PAX9: variants seen among roughly 807,000 people sequenced by gnomAD.
PAX9 encodes paired box 9.
In PAX9, 6 loss-of-function variants were observed where a neutral mutation model predicts 29.1. That is an observed-to-expected ratio of 0.21 (90% CI 0.11 to 0.41). The LOEUF is 0.41. PAX9 is among the 10% of genes least tolerant of loss of function. PAX9 has a pLI of 1.00. For missense variants in PAX9, 443 were observed against 479.1 expected (o/e 0.92, Z 0.70); for synonymous variants, 217 against 211.7 (o/e 1.03, Z -0.22).
chr14:36,659,534 T>C (rs957914693), upstream of PAX9, among the ~76,000 whole-genome samples: 10 of 152,240 alleles, frequency 6.6e-5, no homozygotes, highest in South Asian at 1.9e-3. Context: ...ACACCTAAAA[T>C]TGACTCTTCC....
At chr14:36,661,759 G>A, upstream of PAX9, 1 of 451,342 alleles carries the variant, frequency 2.2e-6, no homozygotes, top group Non-Finnish European at 3.9e-6. Flanking sequence ...CTGCGCTGTC[G>A]CTCACCGACC....
intron 2 of PAX9, 116 bp from the exon 3 acceptor site, chr14:36,666,346 G>A: frequency 1.4e-6 from 2 of 1,399,762 alleles, no homozygotes; most frequent in Non-Finnish European, 1.9e-6. Context: ...GCCAAGGGCA[G>A]GGAGCCGACC....
rs773877041 is a variant in PAX9 at position 36,662,937 on chromosome 14, C to T, written c.45C>T (p.Phe15=). Residue 15 remains phenylalanine, a synonymous_variant, in exon 2 of 4, where the codon TTC becomes TTT. Coordinates refer to ENST00000361487, the MANE Select transcript of PAX9 (RefSeq NM_001372076.1). ...AGGTGAACCAGCTGGGAGGAGTGTT[C>T]GTGAACGGGAGGCCGCTGCCCAACG... The part of the protein sequence containing the change: ...FGEVNQLGGV[F]VNGRPLPNAI... 7 of 1,612,894 alleles carry T rather than the reference C, an allele frequency of 4.3e-6. No homozygotes were observed. In the Admixed American group the frequency reaches 6.7e-5, roughly 15 times the overall value.
rs1480349468 is a variant in PAX9 at position 36,677,278 on chromosome 14, TG to T, written c.*827del. 1 of 152,226 alleles carries T rather than the reference TG, an allele frequency of 6.6e-6. No individual in the cohort carries two copies. Among genetic ancestry groups the T allele is most frequent in the Non-Finnish European group, 1.5e-5 (1 of 68,106 alleles). 9.4% of individuals were successfully genotyped at this position (152,226 alleles called of 1,614,324 possible). On this transcript the variant is annotated 3_prime_UTR_variant, in exon 4 of 4. Transcript: ENST00000361487. ...CTGCTCGGGCTCCTGGACCTGGACT[TG>T]CCCCCAAATTTTGTGTATGCAGTGA...
At chr14:36,666,426 G>A (rs776009704) in intron 2 of PAX9, 36 bp from the exon 3 acceptor site, 3 of 1,600,916 alleles carry the variant, frequency 1.9e-6, no homozygotes, top group East Asian at 2.3e-5. Context: ...GCGCGGGCTG[G>A]GCCTCCGGCC....
upstream of PAX9, chr14:36,658,594 C>T (rs186290975): frequency 5.8e-3 from 878 of 152,406 alleles, 11 homozygotes; most frequent in Non-Finnish European, 8.5e-3. Flanking sequence ...GTTGGGGATA[C>T]AGGGAGGGGT....
chr14:36,678,596 T>C lies in PAX9; in HGVS notation c.*2144T>C, dbSNP rs991390986. On this transcript the variant is annotated 3_prime_UTR_variant, in exon 4 of 4. Transcript: ENST00000361487. ...GGGACTCTCCTGTCATCTGAAAAAC[T>C]GATGTAAGGTACAGAACTATTCTTT... The C allele has an allele frequency of 4.6e-6, 7 of 1,507,096 alleles. No homozygotes were observed. Among genetic ancestry groups the C allele is most frequent in the Middle Eastern group, 1.7e-4 (1 of 5,790 alleles). 93.4% of individuals were successfully genotyped at this position (1,507,096 alleles called of 1,614,324 possible).
chr14:36,673,728 T>C (rs1196875587), intron 3 of PAX9, among the ~76,000 whole-genome samples: 2 of 152,124 alleles, frequency 1.3e-5, no homozygotes, highest in African/African-American at 2.4e-5. Context: ...GTAGGAAAAA[T>C]TTAGCTGTGA....
At chr14:36,659,664 C>T (rs1316744037), upstream of PAX9, among the ~76,000 whole-genome samples, 2 of 152,186 alleles carry the variant, frequency 1.3e-5, no homozygotes, top group Non-Finnish European at 2.9e-5. Context: ...ACCCCTGGCA[C>T]GCCCAGGGGA....
intron 3 of PAX9, among the ~76,000 whole-genome samples, chr14:36,673,152 C>CA (rs879780260): frequency 1.3e-5 from 2 of 152,000 alleles, no homozygotes; most frequent in Admixed American, 1.3e-4. Flanking sequence ...AGGCGTGAGC[C>CA]ACCGTGCCCG....
intron 3 of PAX9, among the ~76,000 whole-genome samples, chr14:36,673,178 G>A (rs1881760936): frequency 1.3e-5 from 2 of 151,890 alleles, no homozygotes; most frequent in African/African-American, 4.8e-5. Flanking sequence ...CTTTTTCTAT[G>A]AGATGAAATC....
Position 36,677,106 on chromosome 14 carries a change from T to C in PAX9, c.*654T>C, listed in dbSNP as rs1881927208. The C allele has an allele frequency of 6.5e-6, 1 of 154,976 alleles. No individual in the cohort carries two copies. Among genetic ancestry groups the C allele is most frequent in the Non-Finnish European group, 1.4e-5 (1 of 69,816 alleles). 9.6% of individuals were successfully genotyped at this position (154,976 alleles called of 1,614,324 possible). Reference sequence around the variant, plus strand: ...AATAATGTTTATATTTTCTATTAGTTTGTAAATACGGACTCTGGATGGTGC... The same window carrying C: ...AATAATGTTTATATTTTCTATTAGTCTGTAAATACGGACTCTGGATGGTGC... On this transcript the variant is annotated 3_prime_UTR_variant, in exon 4 of 4. Coordinates refer to ENST00000361487, the MANE Select transcript of PAX9 (RefSeq NM_001372076.1).
chr14:36,677,895 T>A lies in PAX9; in HGVS notation c.*1443T>A, dbSNP rs11620918. 2.1e-3 allele frequency: 317 copies of A among 152,898 alleles called. No homozygotes were observed. Among genetic ancestry groups the A allele is most frequent in the Admixed American group, 3.8e-3 (58 of 15,406 alleles). The allele number at this position is 152,898 out of a possible 1,614,324, so 9.5% of individuals were successfully genotyped here. A position where few individuals can be genotyped will look rare whatever the true frequency, so the allele number is the denominator to read the frequency against. On this transcript the variant is annotated 3_prime_UTR_variant, in exon 4 of 4. Coordinates refer to ENST00000361487, the MANE Select transcript of PAX9 (RefSeq NM_001372076.1). ...GTGAGCATGTGAGTATGTGTTGTAT[T>A]TTAAAACAATTGATTTTCTGGGGCA... is the stretch of plus-strand genomic sequence containing the variant.
chr14:36,669,622 C>T (rs1881635812), intron 3 of PAX9, among the ~76,000 whole-genome samples: 1 of 152,126 alleles, frequency 6.6e-6, no homozygotes, highest in Non-Finnish European at 1.5e-5. Flanking sequence ...CTAAACTATG[C>T]AACTGAGTAT....
intron 3 of PAX9, 116 bp from the exon 4 acceptor site, chr14:36,676,082 G>A: frequency 9.7e-7 from 1 of 1,034,268 alleles, no homozygotes; most frequent in Non-Finnish European, 1.4e-6. Flanking sequence ...AAGTTGGAGA[G>A]TAGAGTCAGA....
At position 36,677,653 on chromosome 14, in the gene PAX9, G is replaced by GT. The variant is rs1881960856; in HGVS notation, c.*1202dup. 1 of 152,194 alleles carries GT rather than the reference G, an allele frequency of 6.6e-6. No homozygotes were observed. The highest frequency in any genetic ancestry group is 1.5e-5 in the Non-Finnish European group (1 of 68,042). The allele number at this position is 152,194 out of a possible 1,614,324, so 9.4% of individuals were successfully genotyped here. ...AATGGAAAATTCTGCTCTAATGAATGTAACAATGGCTTGCTGTGAAGTTTA... is the reference window on the plus strand; with the variant it reads ...AATGGAAAATTCTGCTCTAATGAATGTTAACAATGGCTTGCTGTGAAGTTTA... On this transcript the variant is annotated 3_prime_UTR_variant, in exon 4 of 4. Transcript: ENST00000361487.
At chr14:36,667,458 T>C (rs1881549692) in intron 3 of PAX9, among the ~76,000 whole-genome samples, 1 of 152,076 alleles carries the variant, frequency 6.6e-6, no homozygotes, top group Admixed American at 6.5e-5. Flanking sequence ...AATGTAAGGT[T>C]TCCCCAGCAG....
chr14:36,676,560 C>T lies in PAX9; in HGVS notation c.*108C>T, dbSNP rs1160653107. 13 of 1,303,438 alleles carry T rather than the reference C, an allele frequency of 1.0e-5. No homozygotes were observed. The highest frequency in any genetic ancestry group is 1.3e-5 in the Non-Finnish European group (12 of 929,592). The allele number at this position is 1,303,438 out of a possible 1,614,324, so 80.7% of individuals were successfully genotyped here. A position where few individuals can be genotyped will look rare whatever the true frequency, so the allele number is the denominator to read the frequency against. ...CCCCTCCTGCCCTCCAACCCTTCTGCCTTGAAAGCTGGCTGTACGGACTCA... is the reference window on the plus strand; with the variant it reads ...CCCCTCCTGCCCTCCAACCCTTCTGTCTTGAAAGCTGGCTGTACGGACTCA... On this transcript the variant is annotated 3_prime_UTR_variant, in exon 4 of 4. Coordinates refer to ENST00000361487, the MANE Select transcript of PAX9 (RefSeq NM_001372076.1).
chr14:36,676,061 A>T lies in PAX9; in HGVS notation c.772-137A>T, dbSNP rs1044561549. ...GTCTTTAGAATATAATAAAGCTCAA[A>T]TTTTTTTAAAAAGTTGGAGAGTAGA... On this transcript the variant is annotated intron_variant, in intron 3 of 3. Transcript: ENST00000361487. 133 of 791,646 alleles carry T rather than the reference A, an allele frequency of 1.7e-4. 1 individual carries two copies. In the South Asian group the frequency reaches 2.3e-3, roughly 14 times the overall value. The allele number at this position is 791,646 out of a possible 1,614,324, so 49.0% of individuals were successfully genotyped here.
Sources: gnomAD v4.1 joint callset for allele counts (sites outside exome capture counted in the v4.1 genomes callset) on GRCh38, gnomAD v4.1.1 for gene constraint, MANE v1.5 for transcripts, NCBI Gene and HGNC (gene_info 2026-07-23, HGNC 2026-07-21) for gene names.